The following PRKDC variants were observed in gnomAD, a reference collection of about 807,000 sequenced individuals.
PRKDC encodes DNA-dependent protein kinase catalytic subunit.
A neutral mutation model predicts 486.9 loss-of-function variants in PRKDC; 82 were observed. The ratio of observed to expected loss-of-function variants is 0.17; its 90% CI spans 0.14 to 0.20. The LOEUF (loss-of-function observed/expected upper bound fraction) is 0.20, where lower values mean the gene tolerates loss of function less well. PRKDC is among the 10% of genes least tolerant of loss of function. The pLI, the probability that PRKDC is intolerant of heterozygous loss-of-function variation, is 1.00. For synonymous variants in PRKDC, 1,895 were observed against 1,837.0 expected, an observed-to-expected ratio of 1.03 and a Z score of -0.81; for missense variants, 4,504 against 5,038.2, an observed-to-expected ratio of 0.89 and a Z score of 3.21.
chr8:47,875,728 T>C (rs1467173941), intron 40 of PRKDC, among the ~76,000 whole-genome samples: 2 of 152,226 alleles, frequency 1.3e-5, no homozygotes, highest in African/African-American at 4.8e-5. Context: ...TTTCCTTGTG[T>C]TGTTGAATTC....
At chr8:47,783,606 A>T in intron 78 of PRKDC, 136 bp downstream of exon 78, 1 of 850,796 alleles carries the variant, frequency 1.2e-6, no homozygotes, top group Non-Finnish European at 1.8e-6. Flanking sequence ...AAAAAGAGGA[A>T]TTCAGTAAAT....
intron 10 of PRKDC, among the ~76,000 whole-genome samples, chr8:47,941,146 C>CA (rs1215840414): frequency 1.3e-5 from 2 of 150,228 alleles, no homozygotes; most frequent in East Asian, 2.0e-4. Flanking sequence ...AAAAAAAAAC[C>CA]AAAAAAACAG....
intron 68 of PRKDC, among the ~76,000 whole-genome samples, chr8:47,812,831 C>A (rs1490501153): frequency 2.0e-5 from 3 of 151,870 alleles, no homozygotes; most frequent in Admixed American, 2.0e-4. Context: ...CTGACACAAA[C>A]CTTTACCCAG....
At chr8:47,862,172 T>A in intron 43 of PRKDC, 45 bp from the exon 44 acceptor site, 1 of 1,486,222 alleles carries the variant, frequency 6.7e-7, no homozygotes, top group South Asian at 1.3e-5. Context: ...ATGGTGAAGA[T>A]CCTCATAATC....
chr8:47,913,399 G>C (rs1331535278), intron 24 of PRKDC, among the ~76,000 whole-genome samples: 3 of 151,960 alleles, frequency 2.0e-5, no homozygotes, highest in Non-Finnish European at 2.9e-5. Flanking sequence ...GTTTTGAAAG[G>C]CAATTTTTTT....
At chr8:47,786,081 G>A (rs968959817) in intron 76 of PRKDC, among the ~76,000 whole-genome samples, 1 of 151,200 alleles carries the variant, frequency 6.6e-6, no homozygotes, top group Non-Finnish European at 1.5e-5. Context: ...ACTCCAGCCT[G>A]GGTGATAGAG....
At chr8:47,863,242 G>A (rs376766228) in intron 42 of PRKDC, among the ~76,000 whole-genome samples, 157 bp downstream of exon 42, 48 of 152,114 alleles carry the variant, frequency 3.2e-4, no homozygotes, top group Admixed American at 1.6e-3. Flanking sequence ...CTAAATTAAC[G>A]CCCTAATTAA....
chr8:47,945,800 C>T (rs1321533266), intron 7 of PRKDC, among the ~76,000 whole-genome samples: 2 of 152,146 alleles, frequency 1.3e-5, no homozygotes, highest in Admixed American at 6.5e-5. Flanking sequence ...CAGCTCACCA[C>T]AACCTCCACT....
chr8:47,933,262 G>C lies in PRKDC; in HGVS notation c.1624-90C>G, dbSNP rs1017883977. ...CATTAAGACACATACACAGATGTAT[G>C]TGCCGGTTTGGGTATTATGGAAACA... On this transcript the variant is annotated intron_variant, in intron 15 of 85. Coordinates refer to ENST00000314191, the MANE Select transcript of PRKDC (RefSeq NM_006904.7). 4 of 1,072,260 alleles carry C rather than the reference G, an allele frequency of 3.7e-6. No homozygotes were observed. The African/African-American group carries it at 5.0e-5, about 14-fold the overall frequency. 66.4% of individuals were successfully genotyped at this position (1,072,260 alleles called of 1,614,324 possible). A position where few individuals can be genotyped will look rare whatever the true frequency, so the allele number is the denominator to read the frequency against.
intron 68 of PRKDC, among the ~76,000 whole-genome samples, chr8:47,815,132 T>C (rs1217968723): frequency 1.3e-5 from 2 of 151,960 alleles, no homozygotes; most frequent in African/African-American, 4.8e-5. Flanking sequence ...GGTGACAGAG[T>C]AAGACCCTGT....
intron 74 of PRKDC, among the ~76,000 whole-genome samples, chr8:47,793,122 G>A (rs927049765): frequency 2.6e-5 from 4 of 152,150 alleles, no homozygotes; most frequent in African/African-American, 7.2e-5. Flanking sequence ...GGCCTCAAGC[G>A]ATTCTTCCAC....
Position 47,773,326 on chromosome 8 carries a change from A to G in PRKDC, c.*847T>C, listed in dbSNP as rs10106803. 0.022 allele frequency: 4,853 copies of G among 224,702 alleles called. 222 individuals carry two copies. Among genetic ancestry groups the G allele is most frequent in the African/African-American group, 0.096 (4,300 of 44,860 alleles). 13.9% of individuals were successfully genotyped at this position (224,702 alleles called of 1,614,324 possible). On this transcript the variant is annotated 3_prime_UTR_variant, in exon 86 of 86. Transcript: ENST00000314191. ...CATAATTTCATCTTGTTGTGCTAGA[A>G]TGCATGCTTTTTTTCCTCCAAATGA... is the stretch of plus-strand genomic sequence containing the variant.
At position 47,788,922 on chromosome 8, in the gene PRKDC, C is replaced by T; in HGVS notation, c.10886G>A (p.Arg3629Lys). Residue 3629 changes from arginine (R) to lysine (K), a missense_variant, in exon 76 of 86, where the codon AGA (arginine) becomes AAA (lysine). Physicochemically the swap from Arg to Lys is conservative, Grantham distance 26. Transcript: ENST00000314191. The part of the protein sequence containing the change: ...DPKAPGLGAF[R>K]RKFIQTFGKE... ...AGTCCATACCTGAATAAACTTCCTT[C>T]TAAAGGCCCCCAGGCCTGGAGCCTT... 1 of 1,596,332 alleles carries T rather than the reference C, an allele frequency of 6.3e-7. No homozygotes were observed. Among genetic ancestry groups the T allele is most frequent in the Non-Finnish European group, 8.5e-7 (1 of 1,174,844 alleles).
rs761938632 is a variant in PRKDC at position 47,887,606 on chromosome 8, G to C, written c.4513C>G (p.Leu1505Val). ...CCGCTGGCCAGCTGCTTACAACTGA[G>C]GTCTAGAGAAGGCAGACACTGTCTC... ...DERQCLPSLD[L>V]SCKQLASGLL... is the part of the protein sequence containing the mutation. The change falls in exon 35 of 86, where the codon CTC (leucine) becomes GTC (valine). Residue 1505 changes from leucine to valine, a missense_variant. By Grantham distance (32) the Leu-to-Val change is conservative. Transcript: ENST00000314191. 19 of 1,602,044 alleles carry C rather than the reference G, an allele frequency of 1.2e-5. No homozygotes were observed. The highest frequency in any genetic ancestry group is 9.4e-6 in the Non-Finnish European group (11 of 1,174,236).
At chr8:47,804,560 A>C (rs962152169) in intron 69 of PRKDC, among the ~76,000 whole-genome samples, 4 of 152,140 alleles carry the variant, frequency 2.6e-5, no homozygotes, top group Non-Finnish European at 5.9e-5. Context: ...TTGGCCTCTC[A>C]AAGTGCTGGA....
In PRKDC at chr8:47,799,280, C is replaced by T; in HGVS notation, c.10227G>A (p.Val3409=). Residue 3409 remains valine (V), a synonymous_variant, in exon 72 of 86, where the codon GTG becomes GTA. Coordinates refer to ENST00000314191, the MANE Select transcript of PRKDC (RefSeq NM_006904.7). ...PSWSCGPAAG[V]IDAYMTLADF... ...CTGCCAGCGTCATGTAAGCATCAAT[C>T]ACCCCAGCTGCAGGCCCACAGCTCC... is the stretch of plus-strand genomic sequence containing the variant. 1 of 1,613,814 alleles carries T rather than the reference C, an allele frequency of 6.2e-7. No homozygotes were observed. Among genetic ancestry groups the T allele is most frequent in the African/African-American group, 1.3e-5 (1 of 75,042 alleles).
Position 47,933,135 on chromosome 8 carries a change from T to C in PRKDC, c.1661A>G (p.Asn554Ser). Residue 554 changes from asparagine (N) to serine (S), a missense_variant, in exon 16 of 86, where the codon AAT (asparagine) becomes AGT (serine). Physicochemically the swap from Asn to Ser is conservative, Grantham distance 46. Transcript: ENST00000314191. ...ILADEAFFSV[N>S]SSSESLNHLL... is the part of the protein sequence containing the mutation. Reference sequence around the variant, plus strand: ...ATGATTCAGACTTTCACTGGAGGAATTCACAGAGAAAAATGCTTCATCTGC... The same window carrying C: ...ATGATTCAGACTTTCACTGGAGGAACTCACAGAGAAAAATGCTTCATCTGC... 6.4e-7 allele frequency: 1 copy of C among 1,552,316 alleles called. No individual in the cohort carries two copies. Among genetic ancestry groups the C allele is most frequent in the Non-Finnish European group, 8.7e-7 (1 of 1,152,196 alleles).
Position 47,955,880 on chromosome 8 carries a change from A to G in PRKDC, c.393T>C (p.Leu131=), listed in dbSNP as rs373096832. 8.6e-5 allele frequency: 136 copies of G among 1,589,068 alleles called. No individual in the cohort carries two copies. In the Middle Eastern group the frequency reaches 1.4e-3, roughly 16 times the overall value. The change falls in exon 4 of 86, where the codon CTT becomes CTC. Residue 131 remains leucine (L), a synonymous_variant. Transcript: ENST00000314191. ...AKCKIPALDL[L]IKLLQTFRSS... ...TACTTAGAAACATAATTACCTTAAT[A>G]AGAAGGTCCAGGGCTGGAATTTTAC... is the stretch of plus-strand genomic sequence containing the variant.
chr8:47,870,037 T>A (rs1456594110), intron 40 of PRKDC, among the ~76,000 whole-genome samples: 1 of 152,180 alleles, frequency 6.6e-6, no homozygotes, highest in Non-Finnish European at 1.5e-5. Flanking sequence ...ACCAGGTAAA[T>A]TCCTACAGTT....
Sources: allele counts gnomAD v4.1 joint callset (sites outside exome capture counted in the v4.1 genomes callset), GRCh38; gene constraint gnomAD v4.1.1; transcripts MANE v1.5; gene names NCBI Gene and HGNC (gene_info 2026-07-23, HGNC 2026-07-21).